Variants in SPECC1 observed in about 807,000 individuals in gnomAD.
The protein encoded by SPECC1 is sperm antigen with calponin homology and coiled-coil domains 1.
SPECC1 carries 62 observed loss-of-function variants against 104.1 expected under a neutral mutation model. The ratio of observed to expected loss-of-function variants is 0.60; its 90% CI spans 0.49 to 0.74. The LOEUF is 0.74. Ranked by LOEUF, SPECC1 falls within the 30% of genes least tolerant of loss-of-function variation. The pLI, the probability that SPECC1 is intolerant of heterozygous loss-of-function variation, is 0.00. For synonymous variants in SPECC1, 513 were observed against 501.6 expected (o/e 1.02, Z -0.30); for missense variants, 1,306 against 1,310.5 (o/e 1.00, Z 0.05).
chr17:20,036,220 C>T (rs1261300096), intron 1 of SPECC1, among the ~76,000 whole-genome samples: 1 of 152,104 alleles, frequency 6.6e-6, no homozygotes, highest in African/African-American at 2.4e-5. Flanking sequence ...ACCTCTGCCT[C>T]CCTTGTTCAA....
chr17:20,159,634 G>A (rs2032951896), intron 3 of SPECC1, among the ~76,000 whole-genome samples: 1 of 152,236 alleles, frequency 6.6e-6, no homozygotes, highest in Non-Finnish European at 1.5e-5. Context: ...TTCCTCTGTT[G>A]TGGTATCTGC....
intron 1 of SPECC1, among the ~76,000 whole-genome samples, chr17:20,093,958 T>C (rs2047528171): frequency 6.6e-6 from 1 of 152,044 alleles, no homozygotes; most frequent in Non-Finnish European, 1.5e-5. Context: ...CTCGAACTCC[T>C]GAGCACAGGC....
intron 1 of SPECC1, among the ~76,000 whole-genome samples, chr17:20,095,083 T>C (rs55832890): frequency 0.054 from 8,301 of 152,342 alleles, 297 homozygotes; most frequent in Non-Finnish European, 0.08. Flanking sequence ...TCATTCATTT[T>C]ATATTGGGAG....
chr17:20,254,807 A>C (rs1421406797), intron 10 of SPECC1, among the ~76,000 whole-genome samples: 1 of 151,812 alleles, frequency 6.6e-6, no homozygotes, highest in East Asian at 1.9e-4. Flanking sequence ...CTTCCTTTAG[A>C]TCTTGGTCAA....
At chr17:20,086,505 T>C (rs928736786) in intron 1 of SPECC1, among the ~76,000 whole-genome samples, 7 of 152,316 alleles carry the variant, frequency 4.6e-5, no homozygotes, top group South Asian at 2.1e-4. Context: ...AGGGGACTTA[T>C]GAGATCACCC....
intron 3 of SPECC1, among the ~76,000 whole-genome samples, chr17:20,111,367 T>C (rs1295264979): frequency 1.3e-5 from 2 of 152,234 alleles, no homozygotes; most frequent in Non-Finnish European, 2.9e-5. Flanking sequence ...TTTTAATTTA[T>C]CAGTTTTTAA....
chr17:20,125,912 C>G (rs16960700), intron 3 of SPECC1, among the ~76,000 whole-genome samples: 1 of 151,976 alleles, frequency 6.6e-6, no homozygotes, highest in African/African-American at 2.4e-5. Context: ...CTGCGTTTCC[C>G]GGGAGTACAT....
At chr17:20,153,477 C>T (rs117150813) in intron 3 of SPECC1, among the ~76,000 whole-genome samples, 156 of 152,196 alleles carry the variant, frequency 1.0e-3, no homozygotes, top group Non-Finnish European at 1.9e-3. Flanking sequence ...TAAGTAGCAG[C>T]GAAAGTGGAA....
At chr17:20,298,108 T>C (rs555535239) in intron 13 of SPECC1, among the ~76,000 whole-genome samples, 1 of 152,108 alleles carries the variant, frequency 6.6e-6, no homozygotes, top group African/African-American at 2.4e-5. Context: ...TCCCAGTACT[T>C]TGGGAGGCCG....
At chr17:20,041,089 T>C (rs771474923) in intron 1 of SPECC1, among the ~76,000 whole-genome samples, 20 of 151,990 alleles carry the variant, frequency 1.3e-4, no homozygotes, top group Non-Finnish European at 1.9e-4. Context: ...TTTTGGCCAG[T>C]CTATTTTCTT....
intron 3 of SPECC1, among the ~76,000 whole-genome samples, chr17:20,149,580 A>T (rs1477066125): frequency 6.6e-6 from 1 of 152,204 alleles, no homozygotes; most frequent in Non-Finnish European, 1.5e-5. Context: ...CTGGGGGGAA[A>T]TTCATGGAAG....
intron 3 of SPECC1, among the ~76,000 whole-genome samples, chr17:20,118,108 A>AAAT (rs1237584573): frequency 2.1e-5 from 3 of 143,010 alleles, no homozygotes; most frequent in African/African-American, 5.8e-5. Flanking sequence ...GTCTCACAAT[A>AAAT]AATAAATAAT....
Position 20,064,997 on chromosome 17 carries a change from ATAGATAC to A in SPECC1, c.-21-31629_-21-31623del, listed in dbSNP as rs574890994. ...AAATGAGCAGTTATAGTCAGACTTT[ATAGATAC>A]TAGAAAGAAGAGCAATGTATTTCTA... On this transcript the variant is annotated intron_variant, in intron 1 of 14. Transcript: ENST00000395527. Among the ~76,000 whole-genome samples, 51 of 152,320 alleles carry A rather than the reference ATAGATAC, an allele frequency of 3.3e-4. No homozygotes were observed. In the East Asian group the frequency reaches 9.4e-3, roughly 28 times the overall value.
At chr17:20,111,808 G>GT (rs2152524591) in intron 3 of SPECC1, 4 of 139,912 alleles carry the variant, frequency 2.9e-5, no homozygotes, top group South Asian at 1.6e-4. Flanking sequence ...TCAGGACCCA[G>GT]GGGGGGGGCA....
At chr17:20,025,282 T>C (rs1463560920) in intron 1 of SPECC1, among the ~76,000 whole-genome samples, 1 of 152,238 alleles carries the variant, frequency 6.6e-6, no homozygotes, top group African/African-American at 2.4e-5. Context: ...CTCAGAGTCC[T>C]AGTCTCCAGA....
chr17:20,262,346 G>A (rs1027203190), intron 12 of SPECC1, among the ~76,000 whole-genome samples: 1 of 152,170 alleles, frequency 6.6e-6, no homozygotes, highest in Non-Finnish European at 1.5e-5. Flanking sequence ...GGGCCATAGG[G>A]TATGCATACA....
At chr17:20,058,177 G>A (rs1292232932) in intron 1 of SPECC1, among the ~76,000 whole-genome samples, 3 of 152,040 alleles carry the variant, frequency 2.0e-5, no homozygotes, top group African/African-American at 7.2e-5. Flanking sequence ...TGAAGAAACA[G>A]TTTTTTCCTC....
intron 7 of SPECC1, among the ~76,000 whole-genome samples, chr17:20,242,172 TC>T (rs1379034434): frequency 6.6e-6 from 1 of 152,222 alleles, no homozygotes; most frequent in Non-Finnish European, 1.5e-5. Context: ...GCTCACCTGT[TC>T]CTGGATCAGA....
chr17:20,249,042 C>T (rs1330016117), intron 9 of SPECC1, among the ~76,000 whole-genome samples: 2 of 152,152 alleles, frequency 1.3e-5, no homozygotes, highest in African/African-American at 2.4e-5. Flanking sequence ...GAAGTAAATA[C>T]TCTCTGGAGG....
Sources: allele counts gnomAD v4.1 joint callset (sites outside exome capture counted in the v4.1 genomes callset), GRCh38; gene constraint gnomAD v4.1.1; transcripts MANE v1.5; gene names NCBI Gene and HGNC (gene_info 2026-07-23, HGNC 2026-07-21).